SLC16A10: variants seen among roughly 807,000 people sequenced by gnomAD.
The protein encoded by SLC16A10 is monocarboxylate transporter 10.
Under a neutral mutation model 40.0 loss-of-function variants are expected in SLC16A10, and 27 were observed. That is an observed-to-expected ratio of 0.67 (90% CI 0.50 to 0.93). The LOEUF (loss-of-function observed/expected upper bound fraction) is 0.93, where lower values mean the gene tolerates loss of function less well. Ranked by LOEUF, SLC16A10 falls within the 40% of genes least tolerant of loss-of-function variation. The probability of loss-of-function intolerance (pLI) is 0.00; values close to 1 mark genes in which losing one functional copy is unlikely to be tolerated. For synonymous variants in SLC16A10, 213 were observed against 249.8 expected (o/e 0.85, Z 1.39); for missense variants, 529 against 658.2 (o/e 0.80, Z 2.15).
intron 1 of SLC16A10, among the ~76,000 whole-genome samples, chr6:111,128,868 TTTA>T (rs369845810): frequency 3.3e-3 from 499 of 152,204 alleles, no homozygotes; most frequent in African/African-American, 0.011. Flanking sequence ...TCATATTCAT[TTTA>T]TTTTTTCATA....
At chr6:111,130,600 A>C (rs567825486) in intron 1 of SLC16A10, among the ~76,000 whole-genome samples, 17 of 152,132 alleles carry the variant, frequency 1.1e-4, no homozygotes, top group African/African-American at 3.6e-4. Flanking sequence ...CTGCAGCCTC[A>C]CCAGGCAGAA....
At chr6:111,170,886 C>A (rs1461975762) in intron 1 of SLC16A10, among the ~76,000 whole-genome samples, 1 of 152,130 alleles carries the variant, frequency 6.6e-6, no homozygotes, top group Non-Finnish European at 1.5e-5. Context: ...GCCTGTAATG[C>A]CAGCAATTTG....
At chr6:111,197,516 C>G (rs1386219880) in intron 3 of SLC16A10, among the ~76,000 whole-genome samples, 1 of 152,114 alleles carries the variant, frequency 6.6e-6, no homozygotes, top group Non-Finnish European at 1.5e-5. Context: ...ATCAAGTTAC[C>G]TCAGATCCCA....
At chr6:111,109,313 A>AATGG (rs1771342895) in intron 1 of SLC16A10, among the ~76,000 whole-genome samples, 1 of 152,122 alleles carries the variant, frequency 6.6e-6, no homozygotes, top group South Asian at 2.1e-4. Flanking sequence ...ATTTTATATG[A>AATGG]ATGGAATCAT....
At chr6:111,102,573 A>G (rs1445789095) in intron 1 of SLC16A10, among the ~76,000 whole-genome samples, 2 of 152,168 alleles carry the variant, frequency 1.3e-5, no homozygotes, top group African/African-American at 4.8e-5. Context: ...GCTTGAGATT[A>G]TCTTAGGCCT....
intron 4 of SLC16A10, among the ~76,000 whole-genome samples, chr6:111,210,246 C>CT (rs1773323443): frequency 1.3e-5 from 2 of 152,136 alleles, no homozygotes; most frequent in Non-Finnish European, 2.9e-5. Context: ...GATGTGAACA[C>CT]TGAGGAACTG....
At chr6:111,146,519 G>A (rs1288037203) in intron 1 of SLC16A10, among the ~76,000 whole-genome samples, 4 of 152,150 alleles carry the variant, frequency 2.6e-5, no homozygotes, top group East Asian at 1.9e-4. Context: ...GGTGGATCAC[G>A]AGGTCAGGAG....
At chr6:111,206,140 G>A (rs949552105) in intron 3 of SLC16A10, among the ~76,000 whole-genome samples, 17 of 150,686 alleles carry the variant, frequency 1.1e-4, no homozygotes, top group African/African-American at 3.7e-4. Context: ...GTGCAGTTGT[G>A]CAATCAGCTC....
Position 111,228,669 on chromosome 6 carries a change from T to C in SLC16A10, c.*6434T>C, listed in dbSNP as rs1771052202. On this transcript the variant is annotated 3_prime_UTR_variant, in exon 6 of 6. Transcript: ENST00000368851. ...ACCTTTCTACTGTGATCTTCCCTAATGAGTCAAAGTATCTTTCATAATTCA... is the reference window on the plus strand; with the variant it reads ...ACCTTTCTACTGTGATCTTCCCTAACGAGTCAAAGTATCTTTCATAATTCA... 6.6e-6 allele frequency: 1 copy of C among 152,190 alleles called. No homozygotes were observed. Among genetic ancestry groups the C allele is most frequent in the South Asian group, 2.1e-4 (1 of 4,828 alleles). 9.4% of individuals were successfully genotyped at this position (152,190 alleles called of 1,614,324 possible). A position where few individuals can be genotyped will look rare whatever the true frequency, so the allele number is the denominator to read the frequency against.
At chr6:111,162,404 A>G (rs1240391685) in intron 1 of SLC16A10, among the ~76,000 whole-genome samples, 1 of 152,206 alleles carries the variant, frequency 6.6e-6, no homozygotes, top group Non-Finnish European at 1.5e-5. Flanking sequence ...GGCCTATTAG[A>G]AAGTGACATT....
intron 1 of SLC16A10, among the ~76,000 whole-genome samples, chr6:111,096,143 C>T (rs1364653978): frequency 6.6e-6 from 1 of 152,160 alleles, no homozygotes; most frequent in African/African-American, 2.4e-5. Context: ...TAGAATCCTA[C>T]TCCTGTCCCC....
chr6:111,100,557 T>C (rs1771156437), intron 1 of SLC16A10, among the ~76,000 whole-genome samples: 1 of 152,016 alleles, frequency 6.6e-6, no homozygotes. Flanking sequence ...CCCAGCTAAT[T>C]TTTGTATTTT....
intron 1 of SLC16A10, among the ~76,000 whole-genome samples, chr6:111,100,978 CTCTCTCTCTCTCTCTATATATA>C (rs1771170147): frequency 1.6e-5 from 2 of 123,412 alleles, no homozygotes; most frequent in Admixed American, 8.5e-5. Context: ...CTCTCTCTCT[CTCTCTCTCTCTCTCTATATATA>C]TATATATATA....
chr6:111,224,392 T>G lies in SLC16A10; in HGVS notation c.*2157T>G, dbSNP rs962568373. 2 of 152,206 alleles carry G rather than the reference T, an allele frequency of 1.3e-5. No individual in the cohort carries two copies. Among genetic ancestry groups the G allele is most frequent in the Non-Finnish European group, 2.9e-5 (2 of 68,036 alleles). 9.4% of individuals were successfully genotyped at this position (152,206 alleles called of 1,614,324 possible). On this transcript the variant is annotated 3_prime_UTR_variant, in exon 6 of 6. Coordinates refer to ENST00000368851, the MANE Select transcript of SLC16A10 (RefSeq NM_018593.5). ...TCTACAGTGTTTTTCTTTTCAAAAT[T>G]TGGCTGATTTTAGGAAAAAAGTGAT...
chr6:111,123,787 A>G (rs1443673574), intron 1 of SLC16A10, among the ~76,000 whole-genome samples: 1 of 152,202 alleles, frequency 6.6e-6, no homozygotes, highest in African/African-American at 2.4e-5. Flanking sequence ...CCTTGGCTCA[A>G]GGAGTCCTTT....
chr6:111,130,209 A>G (rs916329276), intron 1 of SLC16A10, among the ~76,000 whole-genome samples: 1 of 152,206 alleles, frequency 6.6e-6, no homozygotes, highest in African/African-American at 2.4e-5. Flanking sequence ...GTACTGTAGC[A>G]TGTATAGTCA....
At chr6:111,155,069 T>C (rs991342539) in intron 1 of SLC16A10, among the ~76,000 whole-genome samples, 1 of 150,772 alleles carries the variant, frequency 6.6e-6, no homozygotes, top group Non-Finnish European at 1.5e-5. Context: ...TGGTGAGTCG[T>C]TCTACCAGGG....
intron 1 of SLC16A10, among the ~76,000 whole-genome samples, chr6:111,168,426 A>T (rs928859420): frequency 1.3e-5 from 2 of 152,244 alleles, no homozygotes; most frequent in Non-Finnish European, 2.9e-5. Flanking sequence ...TGAGCACAAC[A>T]AATATATTAT....
chr6:111,101,945 T>A (rs1482723029), intron 1 of SLC16A10, among the ~76,000 whole-genome samples: 3 of 152,214 alleles, frequency 2.0e-5, no homozygotes, highest in Non-Finnish European at 4.4e-5. Context: ...TATGTCAATA[T>A]TTGCTTTTGT....
Sources: gnomAD v4.1 joint callset for allele counts (sites outside exome capture counted in the v4.1 genomes callset) on GRCh38, gnomAD v4.1.1 for gene constraint, MANE v1.5 for transcripts, NCBI Gene and HGNC (gene_info 2026-07-23, HGNC 2026-07-21) for gene names.